Variants in TBPL1 observed in about 807,000 individuals in gnomAD.
TBPL1 encodes the protein TATA box-binding protein-like 1.
A neutral mutation model predicts 22.1 loss-of-function variants in TBPL1; 4 were observed. The ratio of observed to expected loss-of-function variants is 0.18; its 90% CI spans 0.09 to 0.41. TBPL1 has a LOEUF of 0.41. Among genes scored for constraint, TBPL1 ranks in the 10% least tolerant of loss-of-function variants. TBPL1 has a pLI of 1.00. For synonymous variants in TBPL1, 64 were observed against 71.0 expected, an observed-to-expected ratio of 0.90 and a Z score of 0.50; for missense variants, 115 against 222.3, an observed-to-expected ratio of 0.52 and a Z score of 3.07.
Position 133,982,814 on chromosome 6 carries a change from T to C in TBPL1, c.219-3T>C, listed in dbSNP as rs780372559. The C allele has an allele frequency of 1.2e-6, 2 of 1,610,422 alleles. No individual in the cohort carries two copies. Among genetic ancestry groups the C allele is most frequent in the Non-Finnish European group, 1.7e-6 (2 of 1,179,096 alleles). On this transcript the variant is annotated splice_polypyrimidine_tract_variant and splice_region_variant and intron_variant, in intron 3 of 6. Transcript: ENST00000237264. ...TAATCTTTTTCTTTCCTTAAAACCGTAGTGAAGAAGAAGCTAAATTTGGTG... is the reference window on the plus strand; with the variant it reads ...TAATCTTTTTCTTTCCTTAAAACCGCAGTGAAGAAGAAGCTAAATTTGGTG...
At chr6:133,958,367 G>C (rs1005836602) in intron 1 of TBPL1, among the ~76,000 whole-genome samples, 2 of 152,196 alleles carry the variant, frequency 1.3e-5, no homozygotes, top group Admixed American at 1.3e-4. Context: ...TGAGCTTTCT[G>C]TGCCACTATG....
intron 1 of TBPL1, among the ~76,000 whole-genome samples, chr6:133,971,171 A>G (rs986800468): frequency 3.3e-5 from 5 of 150,822 alleles, no homozygotes; most frequent in African/African-American, 1.2e-4. Context: ...AAGATTCCAC[A>G]TACAAGTGAG....
chr6:133,966,893 C>T (rs1308053632), intron 1 of TBPL1, among the ~76,000 whole-genome samples: 1 of 152,186 alleles, frequency 6.6e-6, no homozygotes, highest in African/African-American at 2.4e-5. Flanking sequence ...TCTTTCAGTC[C>T]ATCCTCCCAT....
intron 1 of TBPL1, among the ~76,000 whole-genome samples, chr6:133,967,388 A>G (rs2114344791): frequency 6.6e-6 from 1 of 152,370 alleles, no homozygotes; most frequent in East Asian, 1.9e-4. Flanking sequence ...TAAATCAATA[A>G]GAAATCTTAG....
chr6:133,987,644 GT>G lies in TBPL1; in HGVS notation c.*605del, dbSNP rs1562670250. ...GTATTTTGTGTGTGTGTGTGTGTGT[GT>G]GTGTATATATATATATATATATGCA... On this transcript the variant is annotated 3_prime_UTR_variant, in exon 7 of 7. Transcript: ENST00000237264. The G allele has an allele frequency of 7.8e-6, 1 of 128,680 alleles. No homozygotes were observed. The highest frequency in any genetic ancestry group is 1.7e-5 in the Non-Finnish European group (1 of 59,776). The allele number at this position is 128,680 out of a possible 1,614,324, so 8.0% of individuals were successfully genotyped here.
At chr6:133,981,428 TAA>T (rs1027283079) in intron 2 of TBPL1, among the ~76,000 whole-genome samples, 1 of 152,188 alleles carries the variant, frequency 6.6e-6, no homozygotes, top group Non-Finnish European at 1.5e-5. Flanking sequence ...GGAATATGCC[TAA>T]CACTGCTTTG....
chr6:133,984,309 A>G, intron 4 of TBPL1, 67 bp from the exon 5 acceptor site: 1 of 1,238,670 alleles, frequency 8.1e-7, no homozygotes, highest in East Asian at 2.5e-5. Context: ...AAGGATTGCC[A>G]TTATGAGCAG....
At chr6:133,952,520 C>G (rs531197519), upstream of TBPL1, 1 of 152,420 alleles carries the variant, frequency 6.6e-6, no homozygotes, top group Non-Finnish European at 1.5e-5. The surrounding 1 kb of genome is among the most constrained non-coding windows in gnomAD (Gnocchi z 4.5). Context: ...GTTATCCCTC[C>G]GTCTCGCCAC....
chr6:133,958,025 A>AG (rs35021108), intron 1 of TBPL1, among the ~76,000 whole-genome samples: 1 of 152,078 alleles, frequency 6.6e-6, no homozygotes, highest in Non-Finnish European at 1.5e-5. Flanking sequence ...AGGCTTTAGG[A>AG]GGGGGAAGTA....
intron 2 of TBPL1, among the ~76,000 whole-genome samples, chr6:133,981,875 T>G (rs1776419404): frequency 6.6e-6 from 1 of 152,246 alleles, no homozygotes; most frequent in African/African-American, 2.4e-5. Context: ...CTTGACCTAT[T>G]TATACACACT....
In TBPL1 at chr6:133,987,647, TG is replaced by T. The variant is rs1448802043; in HGVS notation, c.*608del. 2.9e-5 allele frequency: 4 copies of T among 136,484 alleles called. No individual in the cohort carries two copies. The highest frequency in any genetic ancestry group is 1.0e-4 in the African/African-American group (3 of 29,238). The allele number at this position is 136,484 out of a possible 1,614,324, so 8.5% of individuals were successfully genotyped here. A position where few individuals can be genotyped will look rare whatever the true frequency, so the allele number is the denominator to read the frequency against. On this transcript the variant is annotated 3_prime_UTR_variant, in exon 7 of 7. Coordinates refer to ENST00000237264, the MANE Select transcript of TBPL1 (RefSeq NM_004865.4). ...TTTTGTGTGTGTGTGTGTGTGTGTG[TG>T]TATATATATATATATATATGCACCA...
At chr6:133,971,878 G>A (rs1365310144) in intron 1 of TBPL1, among the ~76,000 whole-genome samples, 3 of 152,000 alleles carry the variant, frequency 2.0e-5, no homozygotes, top group Admixed American at 2.0e-4. Flanking sequence ...TGTTCTGTGG[G>A]TTGGCTTTTC....
At chr6:133,979,633 G>C (rs943065438) in intron 1 of TBPL1, among the ~76,000 whole-genome samples, 13 of 152,188 alleles carry the variant, frequency 8.5e-5, no homozygotes, top group Non-Finnish European at 1.6e-4. Context: ...TTTTAGTGGG[G>C]AAAAGAAAGG....
At chr6:133,980,823 G>A (rs1316605349) in intron 2 of TBPL1, among the ~76,000 whole-genome samples, 1 of 151,724 alleles carries the variant, frequency 6.6e-6, no homozygotes, top group Non-Finnish European at 1.5e-5. Flanking sequence ...GACATTGGAT[G>A]TCATTATAAA....
At position 133,989,242 on chromosome 6, in the gene TBPL1, T is replaced by A. The variant is rs1191468284; in HGVS notation, c.*2202T>A. 6.6e-6 allele frequency: 1 copy of A among 152,220 alleles called. No individual in the cohort carries two copies. Among genetic ancestry groups the A allele is most frequent in the African/African-American group, 2.4e-5 (1 of 41,534 alleles). The allele number at this position is 152,220 out of a possible 1,614,324, so 9.4% of individuals were successfully genotyped here. On this transcript the variant is annotated 3_prime_UTR_variant, in exon 7 of 7. Coordinates refer to ENST00000237264, the MANE Select transcript of TBPL1 (RefSeq NM_004865.4). ...TATATATGTACAAGTTGTAAGTATT[T>A]CCCCCTTTTTATTTTTGAAAATCAA...
intron 1 of TBPL1, among the ~76,000 whole-genome samples, chr6:133,959,283 G>T (rs1775978867): frequency 6.6e-6 from 1 of 152,086 alleles, no homozygotes; most frequent in Admixed American, 6.5e-5. Flanking sequence ...CAAGTGATCT[G>T]CCTGTCTCAG....
chr6:133,961,642 A>T (rs1776026828), intron 1 of TBPL1, among the ~76,000 whole-genome samples: 1 of 151,250 alleles, frequency 6.6e-6, no homozygotes, highest in African/African-American at 2.4e-5. Context: ...TAGTTTTTGT[A>T]TTTAGTAGAG....
chr6:133,982,954 A>G, intron 4 of TBPL1, 74 bp downstream of exon 4: 1 of 1,392,112 alleles, frequency 7.2e-7, no homozygotes, highest in Non-Finnish European at 9.8e-7. Flanking sequence ...ATTGTAATAG[A>G]CTCAAGAAAT....
intron 1 of TBPL1, among the ~76,000 whole-genome samples, chr6:133,968,284 A>G (rs987709983): frequency 1.3e-4 from 20 of 152,180 alleles, no homozygotes; most frequent in African/African-American, 4.3e-4. Context: ...ATGACATGCT[A>G]TCTTCCTTAA....
Sources: allele counts gnomAD v4.1 joint callset (sites outside exome capture counted in the v4.1 genomes callset), GRCh38; gene constraint gnomAD v4.1.1; non-coding constraint Gnocchi (gnomAD v3.1); transcripts MANE v1.5; gene names NCBI Gene and HGNC (gene_info 2026-07-23, HGNC 2026-07-21).